POU6F2: variants seen among roughly 807,000 people sequenced by gnomAD.
POU6F2 encodes POU domain, class 6, transcription factor 2.
POU6F2 carries 31 observed loss-of-function variants against 71.3 expected under a neutral mutation model. The observed-to-expected ratio is 0.43, with a 90% confidence interval of 0.33 to 0.59. The LOEUF (loss-of-function observed/expected upper bound fraction) is 0.59, where lower values mean the gene tolerates loss of function less well. POU6F2 is among the 20% of genes least tolerant of loss of function. POU6F2 has a pLI of 0.04. For missense variants in POU6F2, 783 were observed against 856.8 expected, an observed-to-expected ratio of 0.91 and a Z score of 1.07; for synonymous variants, 347 against 355.7, an observed-to-expected ratio of 0.98 and a Z score of 0.27.
At position 39,414,962 on chromosome 7, in the gene POU6F2, G is replaced by C. The variant is rs1583584298; in HGVS notation, c.1113+8222G>C. 4.6e-5 allele frequency among the ~76,000 whole-genome samples: 7 copies of C among 152,164 alleles called. 1 individual carries two copies. The South Asian group carries it at 1.5e-3, about 32-fold the overall frequency. On this transcript the variant is annotated intron_variant, in intron 6 of 9. Transcript: ENST00000518318. ...TCTCTCTCACCTAAAGCAGAACTGGGATGCTGTCACTTTTCCCACTTCTGG... is the reference window on the plus strand; with the variant it reads ...TCTCTCTCACCTAAAGCAGAACTGGCATGCTGTCACTTTTCCCACTTCTGG...
intron 4 of POU6F2, among the ~76,000 whole-genome samples, chr7:39,209,136 A>G (rs183680716): frequency 1.2e-4 from 18 of 152,280 alleles, no homozygotes; most frequent in Admixed American, 1.0e-3. Flanking sequence ...AGGGTTCAAA[A>G]TTAATGATTG....
At chr7:39,048,411 G>T (rs975330241) in intron 1 of POU6F2, among the ~76,000 whole-genome samples, 3 of 151,532 alleles carry the variant, frequency 2.0e-5, no homozygotes, top group Non-Finnish European at 1.5e-5. Flanking sequence ...CCCTCTTTGT[G>T]TCTATGTGTT....
At chr7:39,252,252 G>A (rs1783935310) in intron 4 of POU6F2, among the ~76,000 whole-genome samples, 1 of 151,930 alleles carries the variant, frequency 6.6e-6, no homozygotes, top group African/African-American at 2.4e-5. Context: ...TCCTCTGTTT[G>A]AGTGTGGGTC....
Position 39,386,956 on chromosome 7 carries a change from T to C in POU6F2, c.973-19644T>C, listed in dbSNP as rs185200701. ...GGGCTCATGACATCAACCCTGAAAG[T>C]GGGGCAGAAACAGTCTAAGCTGGAA... On this transcript the variant is annotated intron_variant, in intron 5 of 9. Transcript: ENST00000518318. Among the ~76,000 whole-genome samples, 645 of 152,234 alleles carry C rather than the reference T, an allele frequency of 4.2e-3. 4 individuals carry two copies. Among genetic ancestry groups the C allele is most frequent in the African/African-American group, 0.014 (595 of 41,530 alleles).
chr7:39,436,067 G>A (rs1192367800), intron 7 of POU6F2, among the ~76,000 whole-genome samples: 1 of 152,188 alleles, frequency 6.6e-6, no homozygotes, highest in Non-Finnish European at 1.5e-5. Context: ...GATGCCTCCA[G>A]TTTTGTTCTT....
At chr7:39,066,231 T>C (rs1790751797) in intron 1 of POU6F2, among the ~76,000 whole-genome samples, 1 of 151,774 alleles carries the variant, frequency 6.6e-6, no homozygotes, top group African/African-American at 2.4e-5. Flanking sequence ...GTTTCTTACC[T>C]GACAAAGCTA....
At chr7:39,185,382 G>A (rs1452464526) in intron 2 of POU6F2, among the ~76,000 whole-genome samples, 1 of 152,118 alleles carries the variant, frequency 6.6e-6, no homozygotes, top group Non-Finnish European at 1.5e-5. Flanking sequence ...AGACAGTTGG[G>A]TTCAAGCAAC....
In POU6F2 at chr7:39,406,618, G is replaced by C; in HGVS notation, c.991G>C (p.Ala331Pro). ...NPLQLVNNPL[A>P]SQAAAAAAAM... ...TTTGCAGCTGGTTAATAATCCACTA[G>C]CAAGTCAGGCTGCAGCGGCTGCAGC... Residue 331 changes from alanine (A) to proline (P), a missense_variant, in exon 6 of 10, where the codon GCA (alanine) becomes CCA (proline). This residue lies in a region of POU6F2 where 572 missense variants were observed against 572.9 expected (regional missense o/e 1.00). Transcript: ENST00000518318. 1 of 1,613,420 alleles carries C rather than the reference G, an allele frequency of 6.2e-7. No individual in the cohort carries two copies. Among genetic ancestry groups the C allele is most frequent in the African/African-American group, 1.3e-5 (1 of 74,978 alleles).
At chr7:39,295,033 A>G (rs1583503736) in intron 4 of POU6F2, among the ~76,000 whole-genome samples, 2 of 152,318 alleles carry the variant, frequency 1.3e-5, no homozygotes, top group African/African-American at 4.8e-5. Context: ...GAAACAGATT[A>G]TGAATAGATT....
At chr7:39,150,151 A>G (rs951449701) in intron 2 of POU6F2, among the ~76,000 whole-genome samples, 10 of 151,906 alleles carry the variant, frequency 6.6e-5, no homozygotes, top group African/African-American at 2.2e-4. Context: ...TCGGCCTCTC[A>G]AAGTGCTGAG....
chr7:39,066,637 G>C (rs1790759505), intron 1 of POU6F2, among the ~76,000 whole-genome samples: 1 of 151,188 alleles, frequency 6.6e-6, no homozygotes, highest in South Asian at 2.1e-4. Context: ...ACATCTTCCT[G>C]ATAATAATAA....
chr7:39,221,518 G>A (rs1794360498), intron 4 of POU6F2, among the ~76,000 whole-genome samples: 1 of 148,928 alleles, frequency 6.7e-6, no homozygotes, highest in African/African-American at 2.5e-5. Context: ...AGCCTCCCCA[G>A]TAGCTAGGAT....
intron 4 of POU6F2, among the ~76,000 whole-genome samples, chr7:39,218,272 G>T (rs73126431): frequency 0.049 from 7,382 of 152,202 alleles, 244 homozygotes; most frequent in Non-Finnish European, 0.074. Context: ...AAGGGAAGCA[G>T]GTTTACTTGC....
At chr7:39,407,661 C>T (rs1016878455) in intron 6 of POU6F2, among the ~76,000 whole-genome samples, 3 of 151,956 alleles carry the variant, frequency 2.0e-5, no homozygotes, top group African/African-American at 7.3e-5. Flanking sequence ...ATTTGCCCAG[C>T]AGTGTGTTTG....
chr7:39,247,771 C>A (rs1783847205), intron 4 of POU6F2, among the ~76,000 whole-genome samples: 1 of 152,184 alleles, frequency 6.6e-6, no homozygotes, highest in South Asian at 2.1e-4. Flanking sequence ...GGACTTACTT[C>A]AAGCAAATCA....
rs188262659 is a variant in POU6F2 at position 39,102,806 on chromosome 7, A to G, written c.277+16775A>G. ...ATCTAGATGGTGGAGCCTACTACAC[A>G]CTTAGGTTTGTATGGTACAGCCTGT... On this transcript the variant is annotated intron_variant, in intron 2 of 9. Coordinates refer to ENST00000518318, the MANE Select transcript of POU6F2 (RefSeq NM_001370959.1). Among the ~76,000 whole-genome samples, 135 of 152,328 alleles carry G rather than the reference A, an allele frequency of 8.9e-4. 2 individuals are homozygous for G. Among genetic ancestry groups the G allele is most frequent in the Admixed American group, 8.5e-3 (130 of 15,296 alleles).
chr7:39,166,132 A>G (rs1292318885), intron 2 of POU6F2, among the ~76,000 whole-genome samples: 1 of 152,210 alleles, frequency 6.6e-6, no homozygotes, highest in Non-Finnish European at 1.5e-5. Context: ...AATGTCCAAC[A>G]CAAACAAGAT....
rs142031288 is a variant in POU6F2 at position 39,356,342 on chromosome 7, T to C, written c.972+16327T>C. Among the ~76,000 whole-genome samples the C allele has an allele frequency of 4.0e-3, 605 of 152,246 alleles. 5 individuals carry two copies. The highest frequency in any genetic ancestry group is 0.014 in the African/African-American group (589 of 41,560). On this transcript the variant is annotated intron_variant, in intron 5 of 9. Coordinates refer to ENST00000518318, the MANE Select transcript of POU6F2 (RefSeq NM_001370959.1). ...ATCCCTCCCTCGCTTTGCTGGTCCA[T>C]GCCCCTTGCCTGGAATGTCCCGTCT...
chr7:39,246,905 C>CTTTTTTTTT lies in POU6F2; in HGVS notation c.598+39300_598+39308dup, dbSNP rs398004470. Reference sequence around the variant, plus strand: ...CCAGCTCACCCCAAATCCAGGGTGGCTTTTTTTTTTTTTTTTTTTTTTTGC... The same window carrying CTTTTTTTTT: ...CCAGCTCACCCCAAATCCAGGGTGGCTTTTTTTTTTTTTTTTTTTTTTTTTTTTTTTTGC... On this transcript the variant is annotated intron_variant, in intron 4 of 9. Transcript: ENST00000518318. Among the ~76,000 whole-genome samples the CTTTTTTTTT allele has an allele frequency of 3.1e-3, 246 of 78,144 alleles. 13 individuals are homozygous for CTTTTTTTTT. Among genetic ancestry groups the CTTTTTTTTT allele is most frequent in the East Asian group, 0.016 (37 of 2,320 alleles). The allele number at this position is 78,144 out of a possible 152,430, so 51.3% of individuals were successfully genotyped here.
Sources: allele counts gnomAD v4.1 joint callset (sites outside exome capture counted in the v4.1 genomes callset), GRCh38; gene constraint gnomAD v4.1.1; regional missense constraint gnomAD v4.1.1; transcripts MANE v1.5; gene names NCBI Gene and HGNC (gene_info 2026-07-23, HGNC 2026-07-21).